The following TRIM16 variants were observed in gnomAD, a reference collection of about 807,000 sequenced individuals.
TRIM16 encodes the protein tripartite motif-containing protein 16.
TRIM16 carries 33 observed loss-of-function variants against 50.4 expected under a neutral mutation model. The observed-to-expected ratio is 0.65, with a 90% CI of 0.50 to 0.88. The LOEUF is 0.88. Ranked by LOEUF, TRIM16 falls within the 40% of genes least tolerant of loss-of-function variation. The pLI, the probability that TRIM16 is intolerant of heterozygous loss-of-function variation, is 0.00. For missense variants in TRIM16, 581 were observed against 686.8 expected (o/e 0.85, Z 1.72); for synonymous variants, 229 against 270.7 (o/e 0.85, Z 1.51).
At chr17:15,638,737 C>A (rs1986974713) in intron 8 of TRIM16, among the ~76,000 whole-genome samples, 1 of 147,454 alleles carries the variant, frequency 6.8e-6, no homozygotes, top group Non-Finnish European at 1.5e-5. Flanking sequence ...AGAATGAGAC[C>A]CAGATCAAAA....
chr17:15,684,016 AC>A (rs1989281038), intron 1 of TRIM16, 179 bp downstream of exon 1: 1 of 151,946 alleles, frequency 6.6e-6, no homozygotes, highest in Admixed American at 6.6e-5. Flanking sequence ...ACACACATAC[AC>A]CCCACTCCCA....
At chr17:15,673,406 A>C (rs1353435489) in intron 6 of TRIM16, among the ~76,000 whole-genome samples, 3 of 152,224 alleles carry the variant, frequency 2.0e-5, no homozygotes, top group African/African-American at 7.2e-5. Flanking sequence ...AGCTGTACTA[A>C]CACCGACTTC....
intron 6 of TRIM16, among the ~76,000 whole-genome samples, chr17:15,657,795 G>C (rs966029979): frequency 6.6e-6 from 1 of 152,200 alleles, no homozygotes; most frequent in African/African-American, 2.4e-5. Flanking sequence ...TACTGACTAT[G>C]CCTACAGCTT....
intron 6 of TRIM16, chr17:15,675,539 G>C (rs1443617088): frequency 1.2e-5 from 2 of 170,396 alleles, no homozygotes; most frequent in African/African-American, 4.8e-5. Flanking sequence ...ACATATAAAG[G>C]TCTACACTGG....
At chr17:15,669,738 C>T (rs1259768629) in intron 6 of TRIM16, among the ~76,000 whole-genome samples, 2 of 152,230 alleles carry the variant, frequency 1.3e-5, no homozygotes, top group South Asian at 2.1e-4. Context: ...ACCACCACCT[C>T]GTGGGGATAT....
At chr17:15,669,243 A>T (rs494460) in intron 6 of TRIM16, among the ~76,000 whole-genome samples, 1 of 151,140 alleles carries the variant, frequency 6.6e-6, no homozygotes, top group Non-Finnish European at 1.5e-5. Flanking sequence ...CAGAAATAGC[A>T]GCATGACCAC....
intron 3 of TRIM16, among the ~76,000 whole-genome samples, chr17:15,682,045 T>A (rs1989205013): frequency 6.6e-6 from 1 of 152,170 alleles, no homozygotes; most frequent in African/African-American, 2.4e-5. Flanking sequence ...CTTCATTTCC[T>A]AATTTTACAA....
intron 11 of TRIM16, among the ~76,000 whole-genome samples, chr17:15,629,691 C>A (rs1986310374): frequency 6.6e-6 from 1 of 152,242 alleles, no homozygotes; most frequent in South Asian, 2.1e-4. Context: ...TCTCCTCCCA[C>A]TCCCAAAGAA....
At chr17:15,682,753 G>T in intron 3 of TRIM16, 101 bp downstream of exon 3, 2 of 1,132,992 alleles carry the variant, frequency 1.8e-6, no homozygotes, top group Non-Finnish European at 2.3e-6. Context: ...AAAGGCAGGT[G>T]GTATAATGGA....
At chr17:15,670,724 C>T (rs1164440567) in intron 6 of TRIM16, among the ~76,000 whole-genome samples, 1 of 152,214 alleles carries the variant, frequency 6.6e-6, no homozygotes, top group Non-Finnish European at 1.5e-5. Context: ...GAAGATTATT[C>T]TACATACAAT....
Position 15,629,087 on chromosome 17 carries a change from A to G in TRIM16, c.1223T>C (p.Leu408Pro), listed in dbSNP as rs764285410. ...CCGCCAGTGCAGGAACCTGCTGGGG[A>G]GGTCCGGGTAGGGATGCTCCCAGGG... The part of the protein sequence containing the change: ...TTPWEHPYPD[L>P]PSRFLHWRQV... The change falls in exon 12 of 12, where the codon CTC becomes CCC. Residue 408 changes from leucine to proline, a missense_variant. Coordinates refer to ENST00000649191, the MANE Select transcript of TRIM16 (RefSeq NM_001348119.1). 9 of 1,613,854 alleles carry G rather than the reference A, an allele frequency of 5.6e-6. No individual in the cohort carries two copies. The South Asian group carries it at 9.9e-5, about 18-fold the overall frequency.
At chr17:15,683,254 G>GT (rs1989255270) in intron 1 of TRIM16, 97 bp from the exon 2 acceptor site, 2 of 962,788 alleles carry the variant, frequency 2.1e-6, no homozygotes, top group East Asian at 2.7e-5. Context: ...GTCTGACGCA[G>GT]TATCTTTTGA....
chr17:15,669,330 C>T (rs180890824), intron 6 of TRIM16, among the ~76,000 whole-genome samples: 89 of 151,476 alleles, frequency 5.9e-4, no homozygotes, highest in Admixed American at 1.1e-3. Flanking sequence ...AATTATAGGA[C>T]ATCCATACGT....
intron 9 of TRIM16, among the ~76,000 whole-genome samples, chr17:15,633,600 C>T (rs1297020002): frequency 7.8e-5 from 11 of 140,796 alleles, no homozygotes; most frequent in Admixed American, 1.4e-4. Context: ...AGTGCAATGG[C>T]GCAATCTCGG....
At chr17:15,630,769 A>G (rs1253680040) in intron 11 of TRIM16, among the ~76,000 whole-genome samples, 1 of 150,996 alleles carries the variant, frequency 6.6e-6, no homozygotes, top group Non-Finnish European at 1.5e-5. Flanking sequence ...GCAGTGAGCC[A>G]TGATCAAGCC....
intron 11 of TRIM16, among the ~76,000 whole-genome samples, chr17:15,629,842 C>T (rs1295637126): frequency 6.6e-6 from 1 of 152,278 alleles, no homozygotes; most frequent in Non-Finnish European, 1.5e-5. Flanking sequence ...TTCTCTCCAG[C>T]CCCCTGCTTT....
At chr17:15,680,153 G>A (rs951851013) in intron 4 of TRIM16, among the ~76,000 whole-genome samples, 1 of 152,084 alleles carries the variant, frequency 6.6e-6, no homozygotes, top group African/African-American at 2.4e-5. Flanking sequence ...AATTTACTCA[G>A]CTTTCAGGGC....
At position 15,673,293 on chromosome 17, in the gene TRIM16, G is replaced by A. The variant is rs201368005; in HGVS notation, c.-338+3883C>T. 3.4e-3 allele frequency among the ~76,000 whole-genome samples: 512 copies of A among 152,168 alleles called. 10 individuals are homozygous for A. In the East Asian group the frequency reaches 0.055, roughly 16 times the overall value. ...TCAAAAATTATTTCCAGATATCACC[G>A]TTTATTCAGAGTGGTCTGTCTCACC... On this transcript the variant is annotated intron_variant, in intron 6 of 11. Coordinates refer to ENST00000649191, the MANE Select transcript of TRIM16 (RefSeq NM_001348119.1).
intron 7 of TRIM16, among the ~76,000 whole-genome samples, chr17:15,647,079 GC>G (rs1987424264): frequency 6.6e-6 from 1 of 151,162 alleles, no homozygotes; most frequent in Non-Finnish European, 1.5e-5. Flanking sequence ...CGATTCTCCT[GC>G]CTCAGCCTCC....
Sources: allele counts gnomAD v4.1 joint callset (sites outside exome capture counted in the v4.1 genomes callset), GRCh38; gene constraint gnomAD v4.1.1; transcripts MANE v1.5; gene names NCBI Gene and HGNC (gene_info 2026-07-23, HGNC 2026-07-21).